Variants in SFPQ observed in about 807,000 individuals in gnomAD.
SFPQ encodes splicing factor proline and glutamine rich.
A neutral mutation model predicts 72.9 loss-of-function variants in SFPQ; 11 were observed. The observed-to-expected ratio is 0.15, with a 90% CI of 0.09 to 0.25. SFPQ has a LOEUF of 0.25. Ranked by LOEUF, SFPQ falls within the 10% of genes least tolerant of loss-of-function variation. The probability of loss-of-function intolerance (pLI) is 1.00; values close to 1 mark genes in which losing one functional copy is unlikely to be tolerated. For synonymous variants in SFPQ, 506 were observed against 367.3 expected (o/e 1.38, Z -4.32); for missense variants, 847 against 993.3 (o/e 0.85, Z 1.98).
In SFPQ at chr1:35,192,201, G is replaced by C. The variant is rs774390286; in HGVS notation, c.828+21C>G. ...GCCGCCATCTTAGGGGAGCCGACGCGTCGCTCCCATAGACACTCACCTCCG... is the reference window on the plus strand; with the variant it reads ...GCCGCCATCTTAGGGGAGCCGACGCCTCGCTCCCATAGACACTCACCTCCG... On this transcript the variant is annotated intron_variant, in intron 1 of 9. Transcript: ENST00000357214. 6 of 1,385,112 alleles carry C rather than the reference G, an allele frequency of 4.3e-6. No individual in the cohort carries two copies. The South Asian group carries it at 9.5e-5, about 22-fold the overall frequency. 85.8% of individuals were successfully genotyped at this position (1,385,112 alleles called of 1,614,324 possible).
chr1:35,185,740 T>TCCC (rs2148614731), intron 9 of SFPQ, among the ~76,000 whole-genome samples: 1 of 152,304 alleles, frequency 6.6e-6, no homozygotes, highest in East Asian at 1.9e-4. Flanking sequence ...CTTTTATCCT[T>TCCC]TGTTTTTCAA....
At chr1:35,181,559 G>A (rs1639467396), downstream of SFPQ, 2 of 1,061,970 alleles carry the variant, frequency 1.9e-6, no homozygotes, top group African/African-American at 1.6e-5. Flanking sequence ...AATGGGCTAT[G>A]CTTATAAAAT....
chr1:35,185,540 T>C (rs1310235457), intron 9 of SFPQ, among the ~76,000 whole-genome samples: 3 of 152,224 alleles, frequency 2.0e-5, no homozygotes, highest in African/African-American at 7.2e-5. Context: ...CATATGTGCC[T>C]AAATAGCAGA....
chr1:35,184,436 T>A lies in SFPQ; in HGVS notation c.*20A>T. 3.8e-6 allele frequency: 6 copies of A among 1,598,362 alleles called. No homozygotes were observed. The highest frequency in any genetic ancestry group is 5.1e-6 in the Non-Finnish European group (6 of 1,175,404). Reference sequence around the variant, plus strand: ...AACAAAAAAACAAAACAAACTGGAATGAAAGCCTAAATATCACATCTAAAA... The same window carrying A: ...AACAAAAAAACAAAACAAACTGGAAAGAAAGCCTAAATATCACATCTAAAA... On this transcript the variant is annotated 3_prime_UTR_variant, in exon 10 of 10. Transcript: ENST00000357214.
In SFPQ at chr1:35,188,000, A is replaced by G; in HGVS notation, c.1788T>C (p.Ser596=). The change falls in exon 7 of 10, where the codon AGT becomes AGC. Residue 596 remains serine, a synonymous_variant. Transcript: ENST00000357214. ...EEQMRRQREE[S]YSRMGYMDPR... is the part of the protein sequence containing the mutation. ...GATCCATGTAGCCCATTCGGCTGTA[A>G]CTTTCCTCTCTTTGGCGCCTCATTT... 6.2e-7 allele frequency: 1 copy of G among 1,611,736 alleles called. No homozygotes were observed. Among genetic ancestry groups the G allele is most frequent in the Non-Finnish European group, 8.5e-7 (1 of 1,177,822 alleles).
rs747561512 is a variant in SFPQ, at chr1:35,190,890, C to T, written c.1123G>A (p.Val375Ile). 6.2e-7 allele frequency: 1 copy of T among 1,614,198 alleles called. No individual in the cohort carries two copies. Among genetic ancestry groups the T allele is most frequent in the Non-Finnish European group, 8.5e-7 (1 of 1,180,048 alleles). Residue 375 changes from valine (V) to isoleucine (I), a missense_variant, in exon 3 of 10, where the codon GTT becomes ATT. Transcript: ENST00000357214. ...GAAACATAAGGTGAAAGATTACGAA[C>T]AGAAAGGGCAGCAGCATGTGTGGCA... ...RFATHAAALS[V>I]RNLSPYVSNE...
At chr1:35,181,506 A>C (rs1639465171), downstream of SFPQ, 2 of 1,063,556 alleles carry the variant, frequency 1.9e-6, no homozygotes, top group South Asian at 4.6e-5. Context: ...TTATGAGTTT[A>C]ATGTTCTAAG....
chr1:35,183,195 T>C lies in SFPQ; in HGVS notation c.*1261A>G. The C allele has an allele frequency of 9.8e-7, 1 of 1,017,192 alleles. No individual in the cohort carries two copies. Among genetic ancestry groups the C allele is most frequent in the Non-Finnish European group, 1.2e-6 (1 of 848,360 alleles). 63.0% of individuals were successfully genotyped at this position (1,017,192 alleles called of 1,614,324 possible). ...GTAAAAGTTACAGAGTACAAATGTA[T>C]ATATAACTAAACCTACTTCAGTACT... On this transcript the variant is annotated 3_prime_UTR_variant, in exon 10 of 10. Transcript: ENST00000357214.
downstream of SFPQ, chr1:35,182,393 A>G: frequency 7.1e-6 from 7 of 985,384 alleles, no homozygotes; most frequent in South Asian, 3.3e-4. Context: ...AAAACTACTC[A>G]TATTTCCGAG....
In SFPQ at chr1:35,183,592, G is replaced by C; in HGVS notation, c.*864C>G. ...ATCTTTATAAATCACTTGAATACAT[G>C]AAAAGACTTCATGTTTAACATCTTT... On this transcript the variant is annotated 3_prime_UTR_variant, in exon 10 of 10. Transcript: ENST00000357214. 2.0e-6 allele frequency: 2 copies of C among 1,024,192 alleles called. No individual in the cohort carries two copies. Among genetic ancestry groups the C allele is most frequent in the Non-Finnish European group, 2.3e-6 (2 of 852,838 alleles). 63.4% of individuals were successfully genotyped at this position (1,024,192 alleles called of 1,614,324 possible).
chr1:35,180,231 A>C, downstream of SFPQ: 1 of 1,051,808 alleles, frequency 9.5e-7, no homozygotes, highest in Non-Finnish European at 1.1e-6. Context: ...CATGCTAGCT[A>C]AAACCAGTTC....
At chr1:35,191,959 T>C (rs1336596925) in intron 1 of SFPQ, among the ~76,000 whole-genome samples, 1 of 152,156 alleles carries the variant, frequency 6.6e-6, no homozygotes, top group Non-Finnish European at 1.5e-5. Context: ...ACAGGATACC[T>C]TCTGCAGGGC....
intron 1 of SFPQ, among the ~76,000 whole-genome samples, chr1:35,192,012 C>G (rs1640026302): frequency 6.6e-6 from 1 of 152,016 alleles, no homozygotes; most frequent in Admixed American, 6.5e-5. Context: ...GGAAACCTCC[C>G]CTAGCCTTCC....
At chr1:35,179,842 G>A (rs1314015736), downstream of SFPQ, 7 of 1,052,550 alleles carry the variant, frequency 6.7e-6, no homozygotes, top group South Asian at 1.4e-4. Context: ...ACTAAACCAC[G>A]GCAGCAAGCA....
downstream of SFPQ, chr1:35,180,285 C>T (rs1344406592): frequency 9.6e-7 from 1 of 1,044,568 alleles, no homozygotes; most frequent in Non-Finnish European, 1.2e-6. Flanking sequence ...ACAGTTGATG[C>T]AAAGTCCTAA....
chr1:35,183,776 T>G lies in SFPQ; in HGVS notation c.*680A>C, dbSNP rs530112309. The stretch of plus-strand genomic sequence containing the variant: ...ATAGGGCCATAAAAGATCCATTTAA[T>G]CAAACCCACTTTCACCCCCTACCAA... On this transcript the variant is annotated 3_prime_UTR_variant, in exon 10 of 10. Coordinates refer to ENST00000357214, the MANE Select transcript of SFPQ (RefSeq NM_005066.3). 9.5e-7 allele frequency: 1 copy of G among 1,053,728 alleles called. No individual in the cohort carries two copies. Among genetic ancestry groups the G allele is most frequent in the African/African-American group, 1.7e-5 (1 of 60,538 alleles). 65.3% of individuals were successfully genotyped at this position (1,053,728 alleles called of 1,614,324 possible). A position where few individuals can be genotyped will look rare whatever the true frequency, so the allele number is the denominator to read the frequency against.
chr1:35,187,528 C>T (rs1305667244), intron 7 of SFPQ, among the ~76,000 whole-genome samples: 1 of 152,168 alleles, frequency 6.6e-6, no homozygotes, highest in East Asian at 1.9e-4. Flanking sequence ...GTCAGGAGTT[C>T]AAGACCAGCC....
In SFPQ at chr1:35,189,166, T is replaced by C; in HGVS notation, c.1612+20A>G. On this transcript the variant is annotated intron_variant, in intron 5 of 9. Coordinates refer to ENST00000357214, the MANE Select transcript of SFPQ (RefSeq NM_005066.3). ...AAACAATTGACCTTAGCAATGATGT[T>C]CACGCACAGGTCTTTTTACCTTGGC... 8 of 1,613,628 alleles carry C rather than the reference T, an allele frequency of 5.0e-6. No individual in the cohort carries two copies. Among genetic ancestry groups the C allele is most frequent in the Non-Finnish European group, 6.8e-6 (8 of 1,179,720 alleles).
chr1:35,180,352 A>G, downstream of SFPQ: 10 of 1,044,532 alleles, frequency 9.6e-6, no homozygotes, highest in Non-Finnish European at 1.2e-5. Context: ...TTTGGACTAT[A>G]ACATCACATC....
Sources: gnomAD v4.1 joint callset for allele counts (sites outside exome capture counted in the v4.1 genomes callset) on GRCh38, gnomAD v4.1.1 for gene constraint, MANE v1.5 for transcripts, NCBI Gene and HGNC (gene_info 2026-07-23, HGNC 2026-07-21) for gene names.